The following RPS6KA2 variants were observed in gnomAD, a reference collection of about 807,000 sequenced individuals.
The protein encoded by RPS6KA2 is ribosomal protein S6 kinase A2, also known as ribosomal protein S6 kinase alpha-2.
Under a neutral mutation model 91.8 loss-of-function variants are expected in RPS6KA2, and 42 were observed. That is an observed-to-expected ratio of 0.46 (90% CI 0.36 to 0.59). RPS6KA2 has a LOEUF of 0.59. Ranked by LOEUF, RPS6KA2 falls within the 20% of genes least tolerant of loss-of-function variation. The pLI, the probability that RPS6KA2 is intolerant of heterozygous loss-of-function variation, is 0.00. For missense variants in RPS6KA2, 798 were observed against 978.5 expected, an observed-to-expected ratio of 0.82 and a Z score of 2.46; for synonymous variants, 414 against 393.6, an observed-to-expected ratio of 1.05 and a Z score of -0.61.
At chr6:166,532,546 C>T (rs542840136) in intron 2 of RPS6KA2, among the ~76,000 whole-genome samples, 1 of 152,346 alleles carries the variant, frequency 6.6e-6, no homozygotes, top group Admixed American at 6.5e-5. Context: ...CCGGACCCCA[C>T]TGCTGCCCTG....
At chr6:166,553,370 C>T (rs1185820879) in intron 1 of RPS6KA2, among the ~76,000 whole-genome samples, 1 of 151,974 alleles carries the variant, frequency 6.6e-6, no homozygotes, top group East Asian at 1.9e-4. Context: ...GCAGTCTGCC[C>T]ACCACGGACT....
intron 1 of RPS6KA2, among the ~76,000 whole-genome samples, chr6:166,589,800 G>C (rs115462111): frequency 1.5e-3 from 235 of 152,284 alleles, no homozygotes; most frequent in African/African-American, 5.3e-3. Context: ...AGATTTGTTG[G>C]AAACATTTTC....
At chr6:166,838,210 G>A (rs1291848236) in intron 2 of RPS6KA2, among the ~76,000 whole-genome samples, 1 of 151,764 alleles carries the variant, frequency 6.6e-6, no homozygotes, top group Non-Finnish European at 1.5e-5. Flanking sequence ...GTCCAACAGA[G>A]GTACAATTGA....
chr6:166,826,731 T>C (rs1562459457), intron 2 of RPS6KA2, among the ~76,000 whole-genome samples: 1 of 152,260 alleles, frequency 6.6e-6, no homozygotes, highest in Non-Finnish European at 1.5e-5. Context: ...TTTACATTTA[T>C]GGACCCTATA....
chr6:166,464,309 A>G (rs1017267641), intron 11 of RPS6KA2, among the ~76,000 whole-genome samples: 8 of 152,212 alleles, frequency 5.3e-5, no homozygotes, highest in Non-Finnish European at 1.2e-4. Context: ...CCTGTGCCTC[A>G]GTCTCCTCTA....
intron 1 of RPS6KA2, among the ~76,000 whole-genome samples, chr6:166,579,992 C>T (rs1468001502): frequency 1.3e-5 from 2 of 152,238 alleles, no homozygotes; most frequent in African/African-American, 2.4e-5. Flanking sequence ...TTTAGAATCA[C>T]GGCACTTCAT....
At chr6:166,592,846 AT>A (rs1785403185) in intron 1 of RPS6KA2, among the ~76,000 whole-genome samples, 1 of 152,216 alleles carries the variant, frequency 6.6e-6, no homozygotes, top group African/African-American at 2.4e-5. Flanking sequence ...TATATTCCTA[AT>A]TATATTCCTT....
chr6:166,806,685 T>A (rs1006499485), intron 2 of RPS6KA2, among the ~76,000 whole-genome samples: 1 of 151,978 alleles, frequency 6.6e-6, no homozygotes, highest in Non-Finnish European at 1.5e-5. Flanking sequence ...AAAAGCAACA[T>A]CAAGGAATAA....
At chr6:166,805,704 A>G (rs966662655) in intron 2 of RPS6KA2, among the ~76,000 whole-genome samples, 1 of 152,212 alleles carries the variant, frequency 6.6e-6, no homozygotes, top group Non-Finnish European at 1.5e-5. Flanking sequence ...TCCAATGTCC[A>G]GTTTCAACAA....
intron 2 of RPS6KA2, chr6:166,701,255 G>C (rs1028875503): frequency 1.2e-6 from 2 of 1,612,020 alleles, no homozygotes; most frequent in African/African-American, 2.7e-5. Context: ...TCAGGTGTCT[G>C]GTCACAAGGG....
intron 2 of RPS6KA2, among the ~76,000 whole-genome samples, chr6:166,812,285 G>C (rs1245505138): frequency 2.0e-5 from 3 of 152,184 alleles, no homozygotes; most frequent in African/African-American, 7.2e-5. Context: ...GAACTTGGGA[G>C]ACAGAGGCTG....
chr6:166,751,889 G>A (rs1039432204), intron 2 of RPS6KA2, among the ~76,000 whole-genome samples: 6 of 152,096 alleles, frequency 3.9e-5, no homozygotes, highest in East Asian at 1.9e-4. Flanking sequence ...GCCAGACTCC[G>A]TGGAGCACAG....
rs915996514 is a variant in RPS6KA2, at chr6:166,425,844, A to T, written c.1582-2427T>A. Among the ~76,000 whole-genome samples the T allele has an allele frequency of 5.9e-5, 9 of 152,282 alleles. No individual in the cohort carries two copies. In the South Asian group the frequency reaches 1.9e-3, roughly 32 times the overall value. ...ACAAAGAGACTTAGACTCCCACACA[A>T]TAATAATGGGAGACTTTAACACCCC... On this transcript the variant is annotated intron_variant, in intron 16 of 20. Coordinates refer to ENST00000265678, the MANE Select transcript of RPS6KA2 (RefSeq NM_021135.6).
chr6:166,831,686 A>T (rs1317996919), intron 2 of RPS6KA2, among the ~76,000 whole-genome samples: 1 of 151,828 alleles, frequency 6.6e-6, no homozygotes, highest in Non-Finnish European at 1.5e-5. Context: ...TCCAAAACTG[A>T]GAATAAAAAC....
intron 2 of RPS6KA2, among the ~76,000 whole-genome samples, chr6:166,806,646 T>C (rs889244234): frequency 2.6e-5 from 4 of 152,154 alleles, no homozygotes; most frequent in African/African-American, 9.7e-5. Flanking sequence ...GTCCTGAAGA[T>C]TGAAATGAAA....
intron 2 of RPS6KA2, among the ~76,000 whole-genome samples, chr6:166,676,972 G>A (rs188964572): frequency 2.6e-5 from 4 of 152,350 alleles, no homozygotes; most frequent in Admixed American, 2.0e-4. Flanking sequence ...GTAGTGTGTC[G>A]TGATGTTCTC....
intron 5 of RPS6KA2, among the ~76,000 whole-genome samples, chr6:166,506,584 C>T (rs546042496): frequency 3.9e-5 from 6 of 152,160 alleles, no homozygotes; most frequent in South Asian, 2.1e-4. Flanking sequence ...CAGGTTCTCC[C>T]GGCCCACTGT....
At chr6:166,769,818 G>A (rs1264447756) in intron 2 of RPS6KA2, among the ~76,000 whole-genome samples, 1 of 152,214 alleles carries the variant, frequency 6.6e-6, no homozygotes, top group Non-Finnish European at 1.5e-5. Flanking sequence ...ACGGGGCTGA[G>A]AAAAGGCGGC....
intron 2 of RPS6KA2, among the ~76,000 whole-genome samples, chr6:166,655,549 C>T (rs776886693): frequency 6.6e-6 from 1 of 152,232 alleles, no homozygotes; most frequent in Non-Finnish European, 1.5e-5. Flanking sequence ...ACACACCTGG[C>T]TGGTGGATCT....
Sources: gnomAD v4.1 joint callset for allele counts (sites outside exome capture counted in the v4.1 genomes callset) on GRCh38, gnomAD v4.1.1 for gene constraint, MANE v1.5 for transcripts, NCBI Gene and HGNC (gene_info 2026-07-23, HGNC 2026-07-21) for gene names.